Variants in LRTM1 observed in about 807,000 individuals in gnomAD.
LRTM1 encodes leucine-rich repeat and transmembrane domain-containing protein 1.
LRTM1 carries 38 observed loss-of-function variants against 32.4 expected under a neutral mutation model. That is an observed-to-expected ratio of 1.17 (90% CI 0.91 to 1.54). The LOEUF (loss-of-function observed/expected upper bound fraction) is 1.54, where lower values mean the gene tolerates loss of function less well. LRTM1 is among the 40% of genes most tolerant of loss of function. LRTM1 has a pLI of 0.00. For missense variants in LRTM1, 466 were observed against 415.4 expected (o/e 1.12, Z -1.06); for synonymous variants, 186 against 169.9 (o/e 1.09, Z -0.74).
chr3:54,948,445 T>C (rs1462603020), intron 1 of LRTM1, among the ~76,000 whole-genome samples: 2 of 152,198 alleles, frequency 1.3e-5, no homozygotes, highest in African/African-American at 2.4e-5. Context: ...TGTCCAGAAC[T>C]TGGTTACTAA....
chr3:54,933,230 C>T (rs1212384237), intron 1 of LRTM1, among the ~76,000 whole-genome samples: 1 of 152,130 alleles, frequency 6.6e-6, no homozygotes, highest in South Asian at 2.1e-4. Context: ...GTATTTAATG[C>T]TTACAATGGG....
At chr3:54,946,310 G>A (rs1388944648) in intron 1 of LRTM1, among the ~76,000 whole-genome samples, 1 of 152,130 alleles carries the variant, frequency 6.6e-6, no homozygotes, top group South Asian at 2.1e-4. Flanking sequence ...TACCCATCCT[G>A]TACATGTCTT....
chr3:54,919,032 C>T lies in LRTM1; in HGVS notation c.605-140G>A, dbSNP rs1005831844. On this transcript the variant is annotated intron_variant, in intron 2 of 2. Coordinates refer to ENST00000273286, the MANE Select transcript of LRTM1 (RefSeq NM_020678.4). Reference sequence around the variant, plus strand: ...TAAATCCTGGAGTCAAAGAATTTAACAACCATATTTTATGATTTTAGGATT... The same window carrying T: ...TAAATCCTGGAGTCAAAGAATTTAATAACCATATTTTATGATTTTAGGATT... 4.6e-5 allele frequency: 31 copies of T among 672,198 alleles called. No individual in the cohort carries two copies. The African/African-American group carries it at 5.5e-4, about 12-fold the overall frequency. The allele number at this position is 672,198 out of a possible 1,614,324, so 41.6% of individuals were successfully genotyped here.
chr3:54,949,037 C>A (rs1701688861), intron 1 of LRTM1, among the ~76,000 whole-genome samples: 2 of 152,182 alleles, frequency 1.3e-5, no homozygotes, highest in Non-Finnish European at 2.9e-5. Flanking sequence ...TTTTACTTTT[C>A]TTTGTGTCAG....
chr3:54,945,830 T>C (rs1918071), intron 1 of LRTM1, among the ~76,000 whole-genome samples: 26,369 of 152,142 alleles, frequency 0.17, 2,738 homozygotes, highest in African/African-American at 0.29. Context: ...AGAGAAGTTA[T>C]TTCTGCCAGG....
chr3:54,918,772 G>C lies in LRTM1; in HGVS notation c.725C>G (p.Ser242Trp), dbSNP rs201588903. The change falls in exon 3 of 3, where the codon TCG becomes TGG. Residue 242 changes from serine (S) to tryptophan (W), a missense_variant. Ser to Trp is a radical substitution (Grantham distance 177). Transcript: ENST00000273286. ...CPLPAPDPVS[S>W]QAQWPGSAHG... ...GGCAGAGCCGGGCCACTGAGCCTGC[G>C]AGGACACTGGATCAGGAGCAGGAAG... The C allele has an allele frequency of 3.1e-6, 5 of 1,614,118 alleles. No homozygotes were observed. In the African/African-American group the frequency reaches 5.3e-5, roughly 17 times the overall value.
In LRTM1 at chr3:54,918,321, C is replaced by CTTTTTTTTTTTT. The variant is rs60257399; in HGVS notation, c.*137_*138insAAAAAAAAAAAA. The CTTTTTTTTTTTT allele has an allele frequency of 1.0e-5, 4 of 394,434 alleles. No homozygotes were observed. Among genetic ancestry groups the CTTTTTTTTTTTT allele is most frequent in the East Asian group, 5.1e-5 (1 of 19,504 alleles). 24.4% of individuals were successfully genotyped at this position (394,434 alleles called of 1,614,324 possible). ...CCAGAAATATTTTTTACAGACACAT[C>CTTTTTTTTTTTT]TTTTTTTTTTCTTTTTTTTTTTTTT... On this transcript the variant is annotated 3_prime_UTR_variant, in exon 3 of 3. Coordinates refer to ENST00000273286, the MANE Select transcript of LRTM1 (RefSeq NM_020678.4).
chr3:54,932,210 A>G (rs959871396), upstream of LRTM1, among the ~76,000 whole-genome samples: 15 of 152,158 alleles, frequency 9.9e-5, no homozygotes, highest in African/African-American at 3.6e-4. Flanking sequence ...AAAAAGAATA[A>G]TTAGAACTAA....
At chr3:54,923,073 GTTC>G (rs962431551) in intron 2 of LRTM1, among the ~76,000 whole-genome samples, 11 of 152,046 alleles carry the variant, frequency 7.2e-5, no homozygotes, top group Admixed American at 6.6e-4. Flanking sequence ...CATCTCCCTG[GTTC>G]TTCTTCTGCA....
upstream of LRTM1, among the ~76,000 whole-genome samples, chr3:54,928,710 C>T (rs896164877): frequency 1.3e-5 from 2 of 152,014 alleles, no homozygotes; most frequent in African/African-American, 4.8e-5. Context: ...ACACCCCACC[C>T]ACTCCCCAGC....
intron 1 of LRTM1, among the ~76,000 whole-genome samples, chr3:54,950,631 G>C (rs1027417969): frequency 5.9e-5 from 9 of 152,158 alleles, no homozygotes; most frequent in African/African-American, 1.9e-4. Context: ...ACAGCTCCAG[G>C]CTGTGGCAGG....
intron 1 of LRTM1, among the ~76,000 whole-genome samples, chr3:54,952,489 G>T (rs145454139): frequency 3.4e-4 from 51 of 152,234 alleles, no homozygotes; most frequent in African/African-American, 1.2e-3. Context: ...AAAACATGAG[G>T]CAAAAACTTG....
intron 2 of LRTM1, among the ~76,000 whole-genome samples, chr3:54,919,653 A>G (rs1700778505): frequency 6.6e-6 from 1 of 152,238 alleles, no homozygotes; most frequent in African/African-American, 2.4e-5. Flanking sequence ...CTGAGCTAGC[A>G]GACTGAAGTC....
intron 1 of LRTM1, among the ~76,000 whole-genome samples, chr3:54,959,828 ACAATTTGATGCTAGCTCCGG>A (rs1268663845): frequency 1.3e-5 from 2 of 152,190 alleles, no homozygotes; most frequent in East Asian, 3.9e-4. Context: ...TCTGACAAAA[ACAATTTGATGCTAGCTCCGG>A]CAGCCTGGGA....
At chr3:54,926,621 T>G (rs746071834) in intron 1 of LRTM1, among the ~76,000 whole-genome samples, 3 of 152,146 alleles carry the variant, frequency 2.0e-5, no homozygotes, top group Non-Finnish European at 4.4e-5. Flanking sequence ...ATTCTGCAAT[T>G]TGCTCTGTTC....
Position 54,918,663 on chromosome 3 carries a change from C to T in LRTM1, c.834G>A (p.Arg278=), listed in dbSNP as rs768279282. 1 of 1,614,150 alleles carries T rather than the reference C, an allele frequency of 6.2e-7. No individual in the cohort carries two copies. Among genetic ancestry groups the T allele is most frequent in the Non-Finnish European group, 8.5e-7 (1 of 1,180,028 alleles). The stretch of plus-strand genomic sequence containing the variant: ...CAATGGCATGACGCAGGTTGGCCGG[C>T]CTTGGCTTGGGTTTGAGCTCGCACT... ...LLECELKPKP[R]PANLRHAIAT... The change falls in exon 3 of 3, where the codon AGG becomes AGA. Residue 278 remains arginine, a synonymous_variant. Coordinates refer to ENST00000273286, the MANE Select transcript of LRTM1 (RefSeq NM_020678.4).
intron 1 of LRTM1, among the ~76,000 whole-genome samples, chr3:54,948,877 C>T (rs1426692838): frequency 6.6e-6 from 1 of 152,120 alleles, no homozygotes; most frequent in East Asian, 1.9e-4. Flanking sequence ...TAAGCAAAAT[C>T]AGTAAATTAA....
rs1336332200 is a variant in LRTM1 at position 54,924,919 on chromosome 3, C to A, written c.304G>T (p.Val102Phe). The stretch of plus-strand genomic sequence containing the variant: ...AGTGAATTCTGGGTTAGATTTAAAA[C>A]CTGCAAGTGCTGAAGCCCATGGAAA... Reference protein sequence around the residue: ...GAFHGLQHLQVLNLTQNSLLS... With the variant: ...GAFHGLQHLQFLNLTQNSLLS... The change falls in exon 2 of 3, where the codon GTT becomes TTT. Residue 102 changes from valine (V) to phenylalanine (F), a missense_variant. Physicochemically the swap from Val to Phe is conservative, Grantham distance 50 (BLOSUM62 -1). Transcript: ENST00000273286. 1.9e-6 allele frequency: 3 copies of A among 1,612,998 alleles called. No individual in the cohort carries two copies. The highest frequency in any genetic ancestry group is 4.5e-5 in the East Asian group (2 of 44,852).
At chr3:54,932,547 A>G (rs1186278029), upstream of LRTM1, among the ~76,000 whole-genome samples, 4 of 152,190 alleles carry the variant, frequency 2.6e-5, no homozygotes, top group Non-Finnish European at 2.9e-5. Flanking sequence ...AATATTTGAG[A>G]TGTCTTATCT....
Sources: allele counts gnomAD v4.1 joint callset (sites outside exome capture counted in the v4.1 genomes callset), GRCh38; gene constraint gnomAD v4.1.1; transcripts MANE v1.5; gene names NCBI Gene and HGNC (gene_info 2026-07-23, HGNC 2026-07-21).